The following PPP2R1B variants were observed in gnomAD, a reference collection of about 807,000 sequenced individuals.
PPP2R1B encodes the protein protein phosphatase 2 scaffold subunit Abeta.
In PPP2R1B, 58 loss-of-function variants were observed where a neutral mutation model predicts 72.7. The ratio of observed to expected loss-of-function variants is 0.80; its 90% CI spans 0.65 to 0.99. PPP2R1B has a LOEUF of 0.99. Ranked by LOEUF, PPP2R1B falls within the 50% of genes least tolerant of loss-of-function variation. The pLI, the probability that PPP2R1B is intolerant of heterozygous loss-of-function variation, is 0.00. For synonymous variants in PPP2R1B, 256 were observed against 264.6 expected (o/e 0.97, Z 0.32); for missense variants, 695 against 733.6 (o/e 0.95, Z 0.61).
In PPP2R1B at chr11:111,755,287, C is replaced by T; in HGVS notation, c.843+8G>A. On this transcript the variant is annotated splice_region_variant and intron_variant, in intron 6 of 14. Coordinates refer to ENST00000527614, the MANE Select transcript of PPP2R1B (RefSeq NM_002716.5). ...TATTTCCTTAGTACTTAAAAATGAT[C>T]ACTTTACCTCTGAAAATCTGTCAGC... 6.3e-7 allele frequency: 1 copy of T among 1,595,886 alleles called. No homozygotes were observed. The highest frequency in any genetic ancestry group is 8.5e-7 in the Non-Finnish European group (1 of 1,174,308).
At chr11:111,706,762 T>C in the PPP2R1B span, among the ~76,000 whole-genome samples, 4 of 151,750 alleles carry the variant, frequency 2.6e-5, no homozygotes, top group Admixed American at 6.6e-5. Flanking sequence ...TAGATCAAGA[T>C]CATCCTGGCC....
At chr11:111,746,222 C>T (rs767496538) in intron 11 of PPP2R1B, among the ~76,000 whole-genome samples, 6 of 150,504 alleles carry the variant, frequency 4.0e-5, no homozygotes, top group Non-Finnish European at 9.0e-5. Context: ...TGAGGCCAAC[C>T]CAAATGCCCA....
chr11:111,765,390 G>A lies in PPP2R1B; in HGVS notation c.115-6C>T. ...TTAATACTGTTGAGTCGGAGCTTCA[G>A]AAAAGAAAGTAGAAAGAAGAACAAT... is the stretch of plus-strand genomic sequence containing the variant. On this transcript the variant is annotated splice_region_variant and splice_polypyrimidine_tract_variant and intron_variant, in intron 1 of 14. Transcript: ENST00000527614. The A allele has an allele frequency of 6.2e-7, 1 of 1,602,142 alleles. No individual in the cohort carries two copies. The highest frequency in any genetic ancestry group is 8.5e-7 in the Non-Finnish European group (1 of 1,172,284).
At chr11:111,751,618 C>T (rs2136075715) in intron 10 of PPP2R1B, among the ~76,000 whole-genome samples, 1 of 152,310 alleles carries the variant, frequency 6.6e-6, no homozygotes, top group Non-Finnish European at 1.5e-5. Flanking sequence ...CTTCTGGTCC[C>T]AAACATGCTG....
intron 11 of PPP2R1B, among the ~76,000 whole-genome samples, chr11:111,746,837 G>C (rs938759957): frequency 1.3e-5 from 2 of 152,000 alleles, no homozygotes; most frequent in Non-Finnish European, 2.9e-5. Flanking sequence ...AAAAGAGAAA[G>C]AAGTCTACAA....
intron 10 of PPP2R1B, among the ~76,000 whole-genome samples, chr11:111,751,398 G>A (rs148866454): frequency 1.1e-3 from 164 of 151,952 alleles, no homozygotes; most frequent in Middle Eastern, 6.8e-3. Context: ...TTTGTTTTTC[G>A]GTGGTGATGA....
intron 15 of PPP2R1B, among the ~76,000 whole-genome samples, chr11:111,731,187 G>C (rs894986446): frequency 6.6e-6 from 1 of 152,350 alleles, no homozygotes; most frequent in African/African-American, 2.4e-5. Flanking sequence ...ATCAGCCCAG[G>C]TAGCCTGGGC....
rs1944499833 is a variant in PPP2R1B at position 111,741,041 on chromosome 11, A to G, written c.*555T>C. 1 of 986,186 alleles carries G rather than the reference A, an allele frequency of 1.0e-6. No homozygotes were observed. The highest frequency in any genetic ancestry group is 1.7e-5 in the African/African-American group (1 of 57,240). The allele number at this position is 986,186 out of a possible 1,614,324, so 61.1% of individuals were successfully genotyped here. On this transcript the variant is annotated 3_prime_UTR_variant, in exon 15 of 15. Coordinates refer to ENST00000527614, the MANE Select transcript of PPP2R1B (RefSeq NM_002716.5). ...CAAAACAACCACTACATTAACCCTG[A>G]GCTTCCACATTCCCCTTTCACATGA...
chr11:111,734,266 G>C (rs972710006), downstream of PPP2R1B, among the ~76,000 whole-genome samples: 11 of 152,230 alleles, frequency 7.2e-5, no homozygotes, highest in Non-Finnish European at 1.2e-4. Flanking sequence ...ACTGACTTAA[G>C]GGTGGTTGTG....
In PPP2R1B at chr11:111,743,286, T is replaced by C. The variant is rs570561000; in HGVS notation, c.1554+90A>G. The C allele has an allele frequency of 1.7e-4, 215 of 1,270,604 alleles. No individual in the cohort carries two copies. In the African/African-American group the frequency reaches 2.5e-3, roughly 15 times the overall value. 78.7% of individuals were successfully genotyped at this position (1,270,604 alleles called of 1,614,324 possible). A position where few individuals can be genotyped will look rare whatever the true frequency, so the allele number is the denominator to read the frequency against. ...ATCAATACAAGACATATATTCCAAA[T>C]AGAAGACAGTATACTGATAATTCAG... On this transcript the variant is annotated intron_variant, in intron 12 of 14. Coordinates refer to ENST00000527614, the MANE Select transcript of PPP2R1B (RefSeq NM_002716.5).
At chr11:111,721,129 G>A in the PPP2R1B span, 1 of 1,509,822 alleles carries the variant, frequency 6.6e-7, no homozygotes, top group Non-Finnish European at 8.9e-7. Flanking sequence ...CCTGAAGATG[G>A]TCATTTTCAC....
chr11:111,693,139 C>T, the PPP2R1B span, among the ~76,000 whole-genome samples: 4 of 152,066 alleles, frequency 2.6e-5, no homozygotes, highest in Admixed American at 6.6e-5. Flanking sequence ...CGAGACCATC[C>T]TGGCCAACAT....
the PPP2R1B span, chr11:111,719,674 C>G: frequency 2.6e-6 from 3 of 1,169,420 alleles, no homozygotes; most frequent in East Asian, 7.7e-5. Context: ...AAATATTTTA[C>G]TTAATTTCTA....
downstream of PPP2R1B, chr11:111,737,577 CACAG>C: frequency 6.2e-7 from 1 of 1,614,220 alleles, no homozygotes; most frequent in Non-Finnish European, 8.5e-7. Context: ...CCACTAGAGA[CACAG>C]ACAGTGGCGC....
chr11:111,713,444 AAGG>A, the PPP2R1B span, among the ~76,000 whole-genome samples: 673 of 152,326 alleles, frequency 4.4e-3, 5 homozygotes, highest in African/African-American at 0.015. Context: ...TCTTATATAA[AAGG>A]AGAACACCAA....
Position 111,741,328 on chromosome 11 carries a change from G to C in PPP2R1B, c.*268C>G, listed in dbSNP as rs1944511244. 5 of 1,259,622 alleles carry C rather than the reference G, an allele frequency of 4.0e-6. No homozygotes were observed. In the African/African-American group the frequency reaches 4.6e-5, roughly 12 times the overall value. The allele number at this position is 1,259,622 out of a possible 1,614,324, so 78.0% of individuals were successfully genotyped here. On this transcript the variant is annotated 3_prime_UTR_variant, in exon 15 of 15. Transcript: ENST00000527614. ...GTGAGGATGCAGGAGCCCAGGTGGT[G>C]ATGGATAAAGCATTAGGAGACAATC...
chr11:111,761,117 A>C (rs559650728), intron 3 of PPP2R1B, 66 bp from the exon 4 acceptor site: 22 of 1,360,306 alleles, frequency 1.6e-5, no homozygotes, highest in Middle Eastern at 3.5e-4. Flanking sequence ...ACAGATAATC[A>C]CCTTTTAAAG....
downstream of PPP2R1B, chr11:111,724,858 T>C (rs1265623675): frequency 6.6e-6 from 1 of 152,188 alleles, no homozygotes; most frequent in Admixed American, 6.6e-5. Flanking sequence ...GTGTCACACG[T>C]GGAACTGACA....
At chr11:111,731,948 A>G (rs1017042211) in intron 15 of PPP2R1B, among the ~76,000 whole-genome samples, 4 of 152,014 alleles carry the variant, frequency 2.6e-5, no homozygotes, top group Non-Finnish European at 5.9e-5. Flanking sequence ...CGCAGGCAAA[A>G]TAACAGACCA....
Sources: allele counts gnomAD v4.1 joint callset (sites outside exome capture counted in the v4.1 genomes callset), GRCh38; gene constraint gnomAD v4.1.1; transcripts MANE v1.5; gene names NCBI Gene and HGNC (gene_info 2026-07-23, HGNC 2026-07-21).